Variants in ANK2 observed in about 807,000 individuals in gnomAD.
ANK2 encodes ankyrin-2.
ANK2 carries 83 observed loss-of-function variants against 360.5 expected under a neutral mutation model. That is an observed-to-expected ratio of 0.23 (90% CI 0.19 to 0.28). ANK2 has a LOEUF of 0.28. Ranked by LOEUF, ANK2 falls within the 10% of genes least tolerant of loss-of-function variation. The pLI, the probability that ANK2 is intolerant of heterozygous loss-of-function variation, is 1.00. For missense variants in ANK2, 4,201 were observed against 4,795.7 expected, an observed-to-expected ratio of 0.88 and a Z score of 3.66; for synonymous variants, 1,740 against 1,759.5, an observed-to-expected ratio of 0.99 and a Z score of 0.28.
chr4:112,969,121 G>A (rs963652482), intron 2 of ANK2, among the ~76,000 whole-genome samples: 2 of 152,272 alleles, frequency 1.3e-5, no homozygotes, highest in East Asian at 1.9e-4. Context: ...GTTCTAGGAG[G>A]TATTTTCCAA....
In ANK2 at chr4:112,990,439, A is replaced by T. The variant is rs557006507; in HGVS notation, c.21+85925A>T. 7.2e-5 allele frequency among the ~76,000 whole-genome samples: 11 copies of T among 152,070 alleles called. No homozygotes were observed. The East Asian group carries it at 7.7e-4, about 11-fold the overall frequency. On this transcript the variant is annotated intron_variant, in intron 2 of 30. Transcript: ENST00000503271. ...CATTCTGAGTCTATTCTCTGATTAA[A>T]CCCAGGCACTTCTTTCCTGTTTTAT...
intron 2 of ANK2, among the ~76,000 whole-genome samples, chr4:112,945,757 T>C (rs1165162970): frequency 6.6e-6 from 1 of 152,190 alleles, no homozygotes; most frequent in Non-Finnish European, 1.5e-5. Flanking sequence ...GTGATGGTTG[T>C]CTTATAATGC....
rs2095747121 is a variant in ANK2, at chr4:113,356,060, G to A, written c.7442G>A (p.Gly2481Glu). 2 of 1,613,944 alleles carry A rather than the reference G, an allele frequency of 1.2e-6. No individual in the cohort carries two copies. The highest frequency in any genetic ancestry group is 1.3e-5 in the African/African-American group (1 of 74,900). ...CCTGTTGAACCAAAGATGAAGGCTGGAATTTTTCCAAGTCACTTTCCTCTT... is the reference window on the plus strand; with the variant it reads ...CCTGTTGAACCAAAGATGAAGGCTGAAATTTTTCCAAGTCACTTTCCTCTT... ...SSPVEPKMKA[G>E]IFPSHFPLPA... Residue 2481 changes from glycine to glutamate, a missense_variant, in exon 38 of 46, where the codon GGA (glycine) becomes GAA (glutamate). Gly to Glu is a moderately conservative substitution (Grantham distance 98). Coordinates refer to ENST00000357077, the MANE Select transcript of ANK2 (RefSeq NM_001148.6).
At chr4:112,715,677 C>G in the ANK2 span, among the ~76,000 whole-genome samples, 146 of 152,338 alleles carry the variant, frequency 9.6e-4, no homozygotes, top group African/African-American at 3.4e-3. Context: ...TACTCGGGCT[C>G]TGTGCTTTGA....
Position 113,357,625 on chromosome 4 carries a change from T to A in ANK2, c.9007T>A (p.Leu3003Met). 4 of 1,614,162 alleles carry A rather than the reference T, an allele frequency of 2.5e-6. No homozygotes were observed. Among genetic ancestry groups the A allele is most frequent in the East Asian group, 2.2e-5 (1 of 44,880 alleles). The change falls in exon 38 of 46, where the codon TTG becomes ATG. Residue 3003 changes from leucine (L) to methionine (M), a missense_variant. Around this residue, in one of 4 missense-constraint regions of ANK2, gnomAD observed 2,642 missense variants for 2,714.5 expected, o/e 0.97. Coordinates refer to ENST00000357077, the MANE Select transcript of ANK2 (RefSeq NM_001148.6). The stretch of plus-strand genomic sequence containing the variant: ...AATGGAATCCCAACAGGAAAGTACC[T>A]TGTGGGAAATGCAATCAGACAGTGT... ...IKMESQQEST[L>M]WEMQSDSVSS...
At chr4:113,261,614 G>A (rs980607106) in intron 13 of ANK2, among the ~76,000 whole-genome samples, 8 of 152,024 alleles carry the variant, frequency 5.3e-5, no homozygotes, top group African/African-American at 1.7e-4. Context: ...ACTAATAAGG[G>A]CAACTTACAG....
chr4:113,057,023 A>G (rs1027324754), intron 1 of ANK2, among the ~76,000 whole-genome samples: 1 of 152,202 alleles, frequency 6.6e-6, no homozygotes, highest in African/African-American at 2.4e-5. Context: ...TTCCGAACAC[A>G]TGGGAAAGTT....
At chr4:113,165,460 T>C (rs1469802633) in intron 1 of ANK2, among the ~76,000 whole-genome samples, 5 of 152,138 alleles carry the variant, frequency 3.3e-5, no homozygotes, top group Non-Finnish European at 5.9e-5. Flanking sequence ...ATAGTCAACA[T>C]AGGACTTGTA....
chr4:113,258,146 GA>G lies in ANK2; in HGVS notation c.1286del (p.Glu429GlyfsTer16). ...TGGGGCTTCAATCCAAGCTATAACA[GA>G]GGTAGAAAAATGTTTTAGCTAGTCA... The part of the protein sequence containing the change: ...KYGASIQAIT[E>X]SGLTPIHVAA... On this transcript the variant is annotated frameshift_variant and splice_region_variant, in exon 12 of 46. Coordinates refer to ENST00000357077, the MANE Select transcript of ANK2 (RefSeq NM_001148.6). LOFTEE classifies it high-confidence loss of function. 3 of 1,611,998 alleles carry G rather than the reference GA, an allele frequency of 1.9e-6. No individual in the cohort carries two copies. Among genetic ancestry groups the G allele is most frequent in the Non-Finnish European group, 2.5e-6 (3 of 1,178,086 alleles).
chr4:113,126,385 A>G (rs1165883376), intron 1 of ANK2, among the ~76,000 whole-genome samples: 2 of 152,202 alleles, frequency 1.3e-5, no homozygotes, highest in Non-Finnish European at 2.9e-5. Flanking sequence ...AGGTAGTAGT[A>G]CAAACTTCCT....
chr4:112,943,479 T>C (rs895344034), intron 2 of ANK2, among the ~76,000 whole-genome samples: 5 of 152,018 alleles, frequency 3.3e-5, no homozygotes, highest in Admixed American at 6.6e-5. Context: ...CTGATCTCTT[T>C]GCTGTTAATT....
intron 1 of ANK2, among the ~76,000 whole-genome samples, chr4:113,081,189 T>C (rs1404979523): frequency 2.0e-5 from 3 of 152,178 alleles, no homozygotes; most frequent in Non-Finnish European, 4.4e-5. Flanking sequence ...ATTAGTTCTG[T>C]TAATAAGATT....
At position 113,258,058 on chromosome 4, in the gene ANK2, T is replaced by C; in HGVS notation, c.1197T>C (p.Phe399=). The change falls in exon 12 of 46, where the codon TTT becomes TTC. Residue 399 remains phenylalanine, a synonymous_variant. Coordinates refer to ENST00000357077, the MANE Select transcript of ANK2 (RefSeq NM_001148.6). ...ANPNARALNG[F]TPLHIACKKN... ...GATTGTCTTTTGCACAGAATGGTTT[T>C]ACTCCACTGCACATTGCCTGCAAGA... 6.2e-7 allele frequency: 1 copy of C among 1,614,040 alleles called. No individual in the cohort carries two copies.
intron 2 of ANK2, among the ~76,000 whole-genome samples, chr4:112,911,848 T>C (rs1019704938): frequency 6.6e-6 from 1 of 152,174 alleles, no homozygotes; most frequent in African/African-American, 2.4e-5. Flanking sequence ...GTTTAATTGA[T>C]TATTGTGTTA....
chr4:113,014,766 T>C (rs1404870774), intron 2 of ANK2, among the ~76,000 whole-genome samples: 1 of 151,580 alleles, frequency 6.6e-6, no homozygotes, highest in Non-Finnish European at 1.5e-5. Context: ...TTCAGTCATA[T>C]AGTGTTCTTA....
At chr4:113,245,619 G>A (rs2042422537) in intron 9 of ANK2, among the ~76,000 whole-genome samples, 2 of 152,052 alleles carry the variant, frequency 1.3e-5, no homozygotes, top group Non-Finnish European at 2.9e-5. Flanking sequence ...TAGCATGAGG[G>A]TAACCACCCC....
Position 113,357,360 on chromosome 4 carries a change from T to A in ANK2, c.8742T>A (p.Ala2914=). 1 of 1,614,064 alleles carries A rather than the reference T, an allele frequency of 6.2e-7. No individual in the cohort carries two copies. The highest frequency in any genetic ancestry group is 8.5e-7 in the Non-Finnish European group (1 of 1,179,980). ...TGGATGTTCCCGTGTCTGACCTAGCTGAGAATGATGAAATCTATGATCCAC... is the reference window on the plus strand; with the variant it reads ...TGGATGTTCCCGTGTCTGACCTAGCAGAGAATGATGAAATCTATGATCCAC... The part of the protein sequence containing the change: ...FSMDVPVSDL[A]ENDEIYDPQI... Residue 2914 remains alanine (A), a synonymous_variant, in exon 38 of 46, where the codon GCT becomes GCA. Transcript: ENST00000357077.
intron 2 of ANK2, among the ~76,000 whole-genome samples, chr4:112,999,975 C>A (rs2050040483): frequency 6.6e-6 from 1 of 152,126 alleles, no homozygotes; most frequent in Admixed American, 6.5e-5. Context: ...GGAGCCTACA[C>A]ATGTAACTCA....
rs143393441 is a variant in ANK2 at position 112,970,052 on chromosome 4, C to A, written c.21+65538C>A. On this transcript the variant is annotated intron_variant, in intron 2 of 30. Transcript: ENST00000503271. ...AGGCTGGAGTGCGATGGTGCTATCT[C>A]GGCTCACTGCAACCGCCGCCTCCCA... Among the ~76,000 whole-genome samples, 772 of 151,198 alleles carry A rather than the reference C, an allele frequency of 5.1e-3. 6 individuals carry two copies. Among genetic ancestry groups the A allele is most frequent in the Middle Eastern group, 0.017 (5 of 288 alleles).
Sources: gnomAD v4.1 joint callset for allele counts (sites outside exome capture counted in the v4.1 genomes callset) on GRCh38, gnomAD v4.1.1 for gene constraint, gnomAD v4.1.1 regional missense constraint, MANE v1.5 for transcripts, NCBI Gene and HGNC (gene_info 2026-07-23, HGNC 2026-07-21) for gene names.